The following NAV2 variants were observed in gnomAD, a reference collection of about 807,000 sequenced individuals.
NAV2 encodes the protein neuron navigator 2.
NAV2 carries 54 observed loss-of-function variants against 223.2 expected under a neutral mutation model. The ratio of observed to expected loss-of-function variants is 0.24; its 90% CI spans 0.19 to 0.30. NAV2 has a LOEUF of 0.30. Ranked by LOEUF, NAV2 falls within the 10% of genes least tolerant of loss-of-function variation. The pLI is 1.00. For missense variants in NAV2, 2,806 were observed against 3,147.5 expected, an observed-to-expected ratio of 0.89 and a Z score of 2.60; for synonymous variants, 1,279 against 1,239.3, an observed-to-expected ratio of 1.03 and a Z score of -0.67.
In NAV2 at chr11:19,686,312, C is replaced by T. The variant is rs190502730; in HGVS notation, c.76-146172C>T. Among the ~76,000 whole-genome samples the T allele has an allele frequency of 5.3e-5, 8 of 152,328 alleles. No individual in the cohort carries two copies. In the South Asian group the frequency reaches 1.0e-3, roughly 20 times the overall value. On this transcript the variant is annotated intron_variant, in intron 1 of 37. Coordinates refer to the NAV2 transcript ENST00000360655. ...GAATCAACCTTCTCCATCCCTCCCCCTCCCAGACTGGGAGCTCCAGGAAGG... is the reference window on the plus strand; with the variant it reads ...GAATCAACCTTCTCCATCCCTCCCCTTCCCAGACTGGGAGCTCCAGGAAGG...
chr11:19,393,303 C>G (rs1457137740), intron 1 of NAV2, among the ~76,000 whole-genome samples: 1 of 152,216 alleles, frequency 6.6e-6, no homozygotes, highest in Non-Finnish European at 1.5e-5. Context: ...GATAAAGGTG[C>G]CAGACAGGCC....
chr11:20,034,629 G>A (rs1459515461), intron 11 of NAV2, among the ~76,000 whole-genome samples: 1 of 152,306 alleles, frequency 6.6e-6, no homozygotes, highest in East Asian at 1.9e-4. Context: ...TGATCCACCC[G>A]CCTTGGCTTC....
chr11:19,762,260 C>T (rs913675105), intron 1 of NAV2, among the ~76,000 whole-genome samples: 2 of 152,080 alleles, frequency 1.3e-5, no homozygotes, highest in African/African-American at 4.8e-5. Flanking sequence ...ACAAACAAAA[C>T]AAACCCTCAA....
At chr11:19,876,869 C>G (rs1375687689) in intron 4 of NAV2, among the ~76,000 whole-genome samples, 1 of 150,186 alleles carries the variant, frequency 6.7e-6, no homozygotes, top group African/African-American at 2.4e-5. Flanking sequence ...TACTCAAATG[C>G]CTACCAGCTA....
intron 1 of NAV2, chr11:19,503,436 C>T (rs756229466): frequency 1.3e-5 from 2 of 152,186 alleles, no homozygotes; most frequent in Non-Finnish European, 2.9e-5. Context: ...CCCTAAAAGT[C>T]CTCTGTGCTC....
chr11:19,971,541 T>TC (rs1042700026), intron 10 of NAV2, among the ~76,000 whole-genome samples: 10 of 152,020 alleles, frequency 6.6e-5, no homozygotes, highest in African/African-American at 2.4e-4. Flanking sequence ...CAGCCTTGTT[T>TC]CCCCCCATGT....
chr11:19,782,520 G>A (rs972965129), intron 1 of NAV2, among the ~76,000 whole-genome samples: 4 of 152,040 alleles, frequency 2.6e-5, no homozygotes, highest in Middle Eastern at 3.2e-3. Flanking sequence ...TGAAGCCAGG[G>A]AAAAAAATTG....
At chr11:19,541,661 G>T (rs549794626) in intron 1 of NAV2, among the ~76,000 whole-genome samples, 1 of 152,308 alleles carries the variant, frequency 6.6e-6, no homozygotes, top group South Asian at 2.1e-4. Flanking sequence ...AGGGCCTCGG[G>T]CATCAGGCAG....
intron 1 of NAV2, among the ~76,000 whole-genome samples, chr11:19,581,833 A>T (rs1229879396): frequency 6.6e-6 from 1 of 152,162 alleles, no homozygotes; most frequent in African/African-American, 2.4e-5. Context: ...CATGGTGTGC[A>T]TGTGTCTTTA....
intron 1 of NAV2, among the ~76,000 whole-genome samples, chr11:19,424,713 A>ATT (rs146739678): frequency 2.8e-4 from 42 of 150,326 alleles, no homozygotes; most frequent in African/African-American, 7.3e-4. Context: ...ACGTCTGGCT[A>ATT]TTTTTTTTTG....
chr11:19,679,223 G>A (rs1218321124), intron 1 of NAV2, among the ~76,000 whole-genome samples: 1 of 152,094 alleles, frequency 6.6e-6, no homozygotes, highest in Non-Finnish European at 1.5e-5. Flanking sequence ...CTGACGTCAG[G>A]AGTTCGAGAG....
intron 10 of NAV2, among the ~76,000 whole-genome samples, chr11:19,972,666 A>G (rs546631741): frequency 2.3e-4 from 35 of 152,288 alleles, no homozygotes; most frequent in Admixed American, 1.4e-3. Context: ...GACACCTTCA[A>G]GATGCTATGG....
chr11:19,943,180 GAA>G (rs899953934), intron 8 of NAV2, among the ~76,000 whole-genome samples: 1 of 152,146 alleles, frequency 6.6e-6, no homozygotes, highest in Non-Finnish European at 1.5e-5. Flanking sequence ...GCTAACCTAA[GAA>G]TCAGTATTTT....
In NAV2 at chr11:19,501,921, C is replaced by T. The variant is rs116031851; in HGVS notation, c.75+150894C>T. Among the ~76,000 whole-genome samples, 762 of 152,228 alleles carry T rather than the reference C, an allele frequency of 5.0e-3. 8 individuals are homozygous for T. The highest frequency in any genetic ancestry group is 0.017 in the African/African-American group (718 of 41,544). ...GTTTCAGGCAGACAAAAAGATGCTG[C>T]ACCCAACTGGATATAAAGCAGTTAT... On this transcript the variant is annotated intron_variant, in intron 1 of 37. Transcript: ENST00000360655.
intron 1 of NAV2, among the ~76,000 whole-genome samples, chr11:19,385,972 G>T (rs1849028056): frequency 6.6e-6 from 1 of 152,010 alleles, no homozygotes; most frequent in African/African-American, 2.4e-5. Flanking sequence ...CACCGTCTTA[G>T]CCAGGATGGT....
chr11:19,969,517 A>G (rs1285126173), intron 10 of NAV2, among the ~76,000 whole-genome samples: 1 of 152,206 alleles, frequency 6.6e-6, no homozygotes, highest in African/African-American at 2.4e-5. Context: ...TCCATAGGAG[A>G]TATATTCCAA....
intron 35 of NAV2, among the ~76,000 whole-genome samples, chr11:20,107,008 C>T (rs1189575784): frequency 6.9e-6 from 1 of 145,686 alleles, no homozygotes; most frequent in Non-Finnish European, 1.5e-5. Context: ...GATGTACCCT[C>T]ATTTGCTTAA....
At chr11:20,027,221 C>T in intron 11 of NAV2, 1 of 975,240 alleles carries the variant, frequency 1.0e-6, no homozygotes, top group Non-Finnish European at 1.2e-6. Flanking sequence ...TAGCCAAACC[C>T]TTTCTCTTCC....
At chr11:19,734,327 C>G (rs1188541014) in intron 1 of NAV2, among the ~76,000 whole-genome samples, 8 of 152,154 alleles carry the variant, frequency 5.3e-5, no homozygotes, top group Admixed American at 5.2e-4. Context: ...TGACCCATTG[C>G]CAGACATAGA....
Sources: gnomAD v4.1 joint callset for allele counts (sites outside exome capture counted in the v4.1 genomes callset) on GRCh38, gnomAD v4.1.1 for gene constraint, MANE v1.5 for transcripts, NCBI Gene and HGNC (gene_info 2026-07-23, HGNC 2026-07-21) for gene names.